Variants in GC observed in about 807,000 individuals in gnomAD.
GC encodes vitamin D-binding protein.
GC carries 43 observed loss-of-function variants against 56.7 expected under a neutral mutation model. The observed-to-expected ratio is 0.76, with a 90% CI of 0.59 to 0.98. The LOEUF is 0.98. Among genes scored for constraint, GC ranks in the 50% least tolerant of loss-of-function variants. GC has a pLI of 0.00. For missense variants in GC, 529 were observed against 545.9 expected, an observed-to-expected ratio of 0.97 and a Z score of 0.31; for synonymous variants, 216 against 202.7, an observed-to-expected ratio of 1.07 and a Z score of -0.56.
At chr4:71,760,991 C>T (rs1205998552) in intron 6 of GC, among the ~76,000 whole-genome samples, 1 of 152,032 alleles carries the variant, frequency 6.6e-6, no homozygotes, top group Non-Finnish European at 1.5e-5. Context: ...AAATTTGTAC[C>T]AGGAGTGCGG....
chr4:71,771,951 G>A (rs1742357742), intron 1 of GC, among the ~76,000 whole-genome samples: 1 of 152,132 alleles, frequency 6.6e-6, no homozygotes, highest in African/African-American at 2.4e-5. Context: ...GAAATGTCTG[G>A]CAGTTACATG....
upstream of GC, chr4:71,784,146 A>C: frequency 7.2e-7 from 1 of 1,385,480 alleles, no homozygotes; most frequent in Non-Finnish European, 9.4e-7. Flanking sequence ...TATTAATCTC[A>C]GAAGCAACAC....
upstream of GC, among the ~76,000 whole-genome samples, chr4:71,786,964 A>G (rs1742854275): frequency 1.3e-5 from 2 of 151,864 alleles, no homozygotes; most frequent in South Asian, 4.1e-4. Flanking sequence ...TAATATCTTT[A>G]AAGTTGATGT....
At chr4:71,781,932 A>G (rs1436430378) in intron 1 of GC, among the ~76,000 whole-genome samples, 4 of 151,780 alleles carry the variant, frequency 2.6e-5, no homozygotes, top group African/African-American at 9.7e-5. Flanking sequence ...TCCAAAGAAT[A>G]GTTCCACAGG....
intron 1 of GC, among the ~76,000 whole-genome samples, chr4:71,801,890 C>CTTTTTTTTTTTTTTT (rs58049882): frequency 7.2e-6 from 1 of 138,288 alleles, no homozygotes; most frequent in African/African-American, 2.6e-5. Context: ...TTTCTTTCTT[C>CTTTTTTTTTTTTTTT]TTTTTTTTTT....
chr4:71,770,966 A>G (rs935687043), intron 1 of GC, among the ~76,000 whole-genome samples: 4 of 152,190 alleles, frequency 2.6e-5, no homozygotes, highest in African/African-American at 9.6e-5. Flanking sequence ...CATATGTAAT[A>G]GGGCGGACAC....
chr4:71,804,986 A>T (rs28865704), upstream of GC, among the ~76,000 whole-genome samples: 14 of 152,042 alleles, frequency 9.2e-5, no homozygotes, highest in East Asian at 7.8e-4. Context: ...GGCTCTTCTG[A>T]GTCGAGTGGG....
chr4:71,772,838 C>T (rs1475533214), intron 1 of GC, among the ~76,000 whole-genome samples: 1 of 152,006 alleles, frequency 6.6e-6, no homozygotes, highest in African/African-American at 2.4e-5. Flanking sequence ...GTGAGCTACC[C>T]AAAATGTACT....
At chr4:71,764,311 G>T (rs1241818663) in intron 4 of GC, among the ~76,000 whole-genome samples, 2 of 152,110 alleles carry the variant, frequency 1.3e-5, no homozygotes, top group Non-Finnish European at 2.9e-5. Flanking sequence ...TAAGTATTTT[G>T]ATGGACAAAG....
intron 1 of GC, among the ~76,000 whole-genome samples, chr4:71,798,691 T>G (rs763179935): frequency 1.3e-5 from 2 of 152,170 alleles, no homozygotes; most frequent in Non-Finnish European, 2.9e-5. Context: ...AAGCCTTTCT[T>G]TATTAGTGTA....
intron 1 of GC, chr4:71,803,835 G>A: frequency 1.3e-6 from 1 of 756,376 alleles, no homozygotes; most frequent in Non-Finnish European, 2.3e-6. Flanking sequence ...TGTGTTGGTA[G>A]TCAGAACATT....
At chr4:71,742,995 A>G (rs1448674642) in intron 12 of GC, among the ~76,000 whole-genome samples, 2 of 152,084 alleles carry the variant, frequency 1.3e-5, no homozygotes, top group East Asian at 3.9e-4. Flanking sequence ...GGTGGGGGGT[A>G]AGAGACAGAG....
At chr4:71,767,435 T>C (rs1472032438) in intron 3 of GC, among the ~76,000 whole-genome samples, 1 of 152,012 alleles carries the variant, frequency 6.6e-6, no homozygotes, top group African/African-American at 2.4e-5. Flanking sequence ...TAGAATTCAG[T>C]TATGTGCATA....
At chr4:71,788,596 A>C (rs1742896626), upstream of GC, among the ~76,000 whole-genome samples, 1 of 151,586 alleles carries the variant, frequency 6.6e-6, no homozygotes, top group South Asian at 2.1e-4. Context: ...ATTTAAGAGA[A>C]ATGATGGTTC....
chr4:71,755,882 C>A (rs1741752839), intron 8 of GC, among the ~76,000 whole-genome samples: 1 of 152,188 alleles, frequency 6.6e-6, no homozygotes, highest in African/African-American at 2.4e-5. Context: ...AAGTTTCAGT[C>A]CTATGTAACT....
intron 3 of GC, among the ~76,000 whole-genome samples, chr4:71,767,608 GATAT>G (rs201548231): frequency 1.2e-3 from 173 of 145,998 alleles, no homozygotes; most frequent in African/African-American, 4.0e-3. Context: ...TTCATGAGCT[GATAT>G]ATATATATAT....
chr4:71,794,576 T>C (rs1743049192), intron 1 of GC, among the ~76,000 whole-genome samples: 2 of 152,198 alleles, frequency 1.3e-5, no homozygotes, highest in African/African-American at 4.8e-5. Context: ...GCTAGTGGTC[T>C]ATCAATTTTG....
At chr4:71,803,424 A>G (rs543661533) in intron 1 of GC, among the ~76,000 whole-genome samples, 1 of 152,346 alleles carries the variant, frequency 6.6e-6, no homozygotes, top group Non-Finnish European at 1.5e-5. Flanking sequence ...TGAAAATTTT[A>G]AACAAGAAGT....
chr4:71,771,478 G>A (rs1053713733), intron 1 of GC, among the ~76,000 whole-genome samples: 4 of 151,952 alleles, frequency 2.6e-5, no homozygotes, highest in African/African-American at 7.2e-5. Context: ...GAGAAAAGTC[G>A]GATTTGATAA....
Sources: allele counts gnomAD v4.1 joint callset (sites outside exome capture counted in the v4.1 genomes callset), GRCh38; gene constraint gnomAD v4.1.1; transcripts MANE v1.5; gene names NCBI Gene and HGNC (gene_info 2026-07-23, HGNC 2026-07-21).